Variants in GMDS observed in about 807,000 individuals in gnomAD.
GMDS encodes the protein GDP-mannose 4,6-dehydratase, also known as GDP-mannose 4,6 dehydratase.
Under a neutral mutation model 49.9 loss-of-function variants are expected in GMDS, and 20 were observed. The ratio of observed to expected loss-of-function variants is 0.40; its 90% CI spans 0.28 to 0.58. GMDS has a LOEUF of 0.58. Ranked by LOEUF, GMDS falls within the 20% of genes least tolerant of loss-of-function variation. The probability of loss-of-function intolerance (pLI) is 0.42; values close to 1 mark genes in which losing one functional copy is unlikely to be tolerated. For missense variants in GMDS, 362 were observed against 481.4 expected (o/e 0.75, Z 2.32); for synonymous variants, 177 against 178.6 (o/e 0.99, Z 0.07).
chr6:2,144,999 C>A (rs1485137404), intron 1 of GMDS, among the ~76,000 whole-genome samples: 1 of 152,168 alleles, frequency 6.6e-6, no homozygotes, highest in African/African-American at 2.4e-5. Context: ...AAAAAGGCAA[C>A]CTGGCCAGTC....
chr6:1,750,029 A>C (rs1021508789), intron 7 of GMDS, among the ~76,000 whole-genome samples: 1 of 152,132 alleles, frequency 6.6e-6, no homozygotes, highest in Non-Finnish European at 1.5e-5. Flanking sequence ...CAAAAATACT[A>C]AAAATGTATG....
intron 4 of GMDS, among the ~76,000 whole-genome samples, chr6:2,105,173 CT>C (rs1774166442): frequency 8.7e-6 from 1 of 115,068 alleles, no homozygotes; most frequent in African/African-American, 3.5e-5. Context: ...CAGAGCGAGA[CT>C]CCGTCTCAAA....
At chr6:1,945,620 A>G (rs1391589755) in intron 6 of GMDS, among the ~76,000 whole-genome samples, 1 of 152,090 alleles carries the variant, frequency 6.6e-6, no homozygotes, top group Non-Finnish European at 1.5e-5. Context: ...TGAACCCAAT[A>G]TTCTTCACGC....
chr6:2,098,219 C>T (rs538972634), intron 4 of GMDS, among the ~76,000 whole-genome samples: 2 of 152,220 alleles, frequency 1.3e-5, no homozygotes, highest in East Asian at 3.9e-4. Context: ...CCACCACACC[C>T]GGCTAATTTT....
intron 7 of GMDS, among the ~76,000 whole-genome samples, chr6:1,813,877 C>T (rs1376348138): frequency 1.3e-5 from 2 of 152,016 alleles, no homozygotes; most frequent in Admixed American, 1.3e-4. Flanking sequence ...GAATAGATTC[C>T]ATGCATTGCT....
At chr6:1,694,718 A>G (rs79679255) in intron 9 of GMDS, among the ~76,000 whole-genome samples, 171 of 152,330 alleles carry the variant, frequency 1.1e-3, no homozygotes, top group Non-Finnish European at 2.0e-3. Flanking sequence ...GACATTTCTC[A>G]TCTGCCCACA....
chr6:2,150,039 G>A (rs564493999), intron 1 of GMDS, among the ~76,000 whole-genome samples: 20 of 152,164 alleles, frequency 1.3e-4, no homozygotes, highest in Non-Finnish European at 2.5e-4. Context: ...ATATGCTCAA[G>A]GCAAACACTG....
chr6:1,790,459 G>A (rs1369619789), intron 7 of GMDS, among the ~76,000 whole-genome samples: 14 of 152,084 alleles, frequency 9.2e-5, no homozygotes, highest in Admixed American at 9.2e-4. Context: ...AAGTGAAGTT[G>A]GCTTTTAAAA....
chr6:1,897,969 GA>G (rs1760291611), intron 7 of GMDS, among the ~76,000 whole-genome samples: 2 of 115,148 alleles, frequency 1.7e-5, no homozygotes, highest in African/African-American at 6.3e-5. Flanking sequence ...TGCCATCCTG[GA>G]CACCTACCCT....
chr6:2,222,922 A>G (rs192482305), intron 1 of GMDS, among the ~76,000 whole-genome samples: 1 of 152,270 alleles, frequency 6.6e-6, no homozygotes, highest in East Asian at 1.9e-4. Context: ...CTACAATGTG[A>G]GTGGGCTTCA....
chr6:1,742,544 C>G lies in GMDS; in HGVS notation c.814G>C (p.Val272Leu), dbSNP rs370302189. The G allele has an allele frequency of 3.2e-5, 51 of 1,611,788 alleles. No homozygotes were observed. The highest frequency in any genetic ancestry group is 4.2e-5 in the Non-Finnish European group (49 of 1,178,020). ...MLQNDEPEDFVIATGEVHSVR... is the reference protein window; with the variant it reads ...MLQNDEPEDFLIATGEVHSVR... ...CTATGGACCTCCCCAGTAGCTATAA[C>G]GAAGTCCTCCGGCTCATCATTCTGC... The change falls in exon 8 of 11, where the codon GTT becomes CTT. Residue 272 changes from valine to leucine, a missense_variant. Val to Leu is a conservative substitution (Grantham distance 32). Coordinates refer to ENST00000380815, the MANE Select transcript of GMDS (RefSeq NM_001500.4).
At chr6:1,900,609 C>A (rs1242155668) in intron 7 of GMDS, among the ~76,000 whole-genome samples, 2 of 152,136 alleles carry the variant, frequency 1.3e-5, no homozygotes, top group East Asian at 3.9e-4. Flanking sequence ...TTTTCAGAAA[C>A]TAGTCATGAA....
At chr6:1,876,592 C>G (rs1374589269) in intron 7 of GMDS, among the ~76,000 whole-genome samples, 1 of 152,122 alleles carries the variant, frequency 6.6e-6, no homozygotes, top group Non-Finnish European at 1.5e-5. Context: ...CTTCTGGGAT[C>G]TTTATCTCCC....
rs931855958 is a variant in GMDS at position 1,726,455 on chromosome 6, G to A, written c.948C>T (p.His316=). 6.2e-6 allele frequency: 10 copies of A among 1,613,654 alleles called. No individual in the cohort carries two copies. The highest frequency in any genetic ancestry group is 1.7e-4 in the Middle Eastern group (1 of 6,058). The change falls in exon 9 of 11, where the codon CAC becomes CAT. Residue 316 remains histidine (H), a synonymous_variant. Transcript: ENST00000380815. Reference sequence around the variant, plus strand: ...GGTAGTACTTGAGATCCACAGTCACGTGAACTTTGCCGGTCTCTTTACATC... The same window carrying A: ...GGTAGTACTTGAGATCCACAGTCACATGAACTTTGCCGGTCTCTTTACATC... ...VGRCKETGKV[H]VTVDLKYYRP... is the part of the protein sequence containing the mutation.
In GMDS at chr6:2,036,780, C is replaced by T. The variant is rs918212550; in HGVS notation, c.346-75814G>A. 9.2e-5 allele frequency among the ~76,000 whole-genome samples: 14 copies of T among 152,274 alleles called. No homozygotes were observed. The East Asian group carries it at 2.1e-3, about 23-fold the overall frequency. On this transcript the variant is annotated intron_variant, in intron 4 of 10. Coordinates refer to ENST00000380815, the MANE Select transcript of GMDS (RefSeq NM_001500.4). ...CATAAACAAGATAAAACAAGCTGCA[C>T]GGAAAGACTTCAGAGCCTATGGCAT...
chr6:1,901,065 G>A (rs138497631), intron 7 of GMDS, among the ~76,000 whole-genome samples: 29 of 152,338 alleles, frequency 1.9e-4, no homozygotes, highest in Non-Finnish European at 3.2e-4. Context: ...ACGGCGAAGC[G>A]CTGGTAGCAG....
At chr6:2,080,985 A>G (rs1217341465) in intron 4 of GMDS, among the ~76,000 whole-genome samples, 1 of 152,112 alleles carries the variant, frequency 6.6e-6, no homozygotes, top group Admixed American at 6.5e-5. Flanking sequence ...TAGTAGCCTC[A>G]ATTTTCTGTA....
chr6:1,915,667 C>T lies in GMDS; in HGVS notation c.771+14436G>A, dbSNP rs145709654. 3.4e-3 allele frequency among the ~76,000 whole-genome samples: 524 copies of T among 152,344 alleles called. 3 individuals carry two copies. Among genetic ancestry groups the T allele is most frequent in the African/African-American group, 0.012 (510 of 41,582 alleles). On this transcript the variant is annotated intron_variant, in intron 7 of 10. Transcript: ENST00000380815. ...AGAGCATCACAGTGCAGGGTACAGC[C>T]AGCACAAGGGTCGGCCGAATGAACG...
chr6:2,115,465 T>C (rs72830156), intron 4 of GMDS, among the ~76,000 whole-genome samples: 7,242 of 152,322 alleles, frequency 0.048, 345 homozygotes, highest in East Asian at 0.21. Flanking sequence ...TAATTCACAA[T>C]CTGTTATTTG....
Sources: gnomAD v4.1 joint callset for allele counts (sites outside exome capture counted in the v4.1 genomes callset) on GRCh38, gnomAD v4.1.1 for gene constraint, MANE v1.5 for transcripts, NCBI Gene and HGNC (gene_info 2026-07-23, HGNC 2026-07-21) for gene names.